The following TRPS1 variants were observed in gnomAD, a reference collection of about 807,000 sequenced individuals.
TRPS1 encodes the protein zinc finger transcription factor Trps1.
In TRPS1, 6 loss-of-function variants were observed where a neutral mutation model predicts 101.2. That is an observed-to-expected ratio of 0.06 (90% CI 0.03 to 0.12). The LOEUF (loss-of-function observed/expected upper bound fraction) is 0.12, where lower values mean the gene tolerates loss of function less well. Among genes scored for constraint, TRPS1 ranks in the 10% least tolerant of loss-of-function variants. The pLI is 1.00. For missense variants in TRPS1, 1,363 were observed against 1,567.0 expected (o/e 0.87, Z 2.20); for synonymous variants, 578 against 589.8 (o/e 0.98, Z 0.29).
intron 5 of TRPS1, among the ~76,000 whole-genome samples, chr8:115,431,056 C>T (rs866631624): frequency 3.0e-4 from 46 of 151,870 alleles, no homozygotes; most frequent in African/African-American, 9.9e-4. Flanking sequence ...ATTTTTATTG[C>T]CAACTTATTT....
chr8:115,617,943 T>G (rs1409492517), intron 3 of TRPS1, among the ~76,000 whole-genome samples: 1 of 152,182 alleles, frequency 6.6e-6, no homozygotes, highest in East Asian at 1.9e-4. Context: ...GTGATAAGAT[T>G]GCCATTCTGA....
intron 5 of TRPS1, among the ~76,000 whole-genome samples, chr8:115,450,882 T>C (rs1421932783): frequency 4.6e-5 from 7 of 152,202 alleles, no homozygotes; most frequent in African/African-American, 7.2e-5. Context: ...ACAAGTTATA[T>C]ATGTTTGAGA....
intron 4 of TRPS1, among the ~76,000 whole-genome samples, chr8:115,598,088 C>T (rs1817827788): frequency 6.6e-6 from 1 of 152,186 alleles, no homozygotes; most frequent in South Asian, 2.1e-4. Context: ...ACACTTCCCA[C>T]ATATTTTCTC....
intron 2 of TRPS1, among the ~76,000 whole-genome samples, chr8:115,622,089 T>C (rs748732459): frequency 6.6e-6 from 1 of 152,148 alleles, no homozygotes; most frequent in Non-Finnish European, 1.5e-5. Context: ...GTTGAGGCAA[T>C]GTAAACCTGA....
intron 5 of TRPS1, among the ~76,000 whole-genome samples, chr8:115,548,853 T>G (rs1203923947): frequency 2.6e-5 from 4 of 152,214 alleles, no homozygotes; most frequent in Admixed American, 2.0e-4. Context: ...CTTAATCACA[T>G]AGGCTTCTGA....
At chr8:115,514,972 A>G (rs1815674908) in intron 5 of TRPS1, among the ~76,000 whole-genome samples, 1 of 151,618 alleles carries the variant, frequency 6.6e-6, no homozygotes, top group Admixed American at 6.6e-5. Context: ...CAGTATGACA[A>G]AGACTATTAC....
intron 5 of TRPS1, among the ~76,000 whole-genome samples, chr8:115,534,354 C>T (rs1396028184): frequency 1.3e-5 from 2 of 148,246 alleles, no homozygotes; most frequent in Non-Finnish European, 3.0e-5. Context: ...GCTCTAACCC[C>T]GATACCATCA....
At chr8:115,497,610 T>C (rs191487122) in intron 5 of TRPS1, among the ~76,000 whole-genome samples, 1 of 152,272 alleles carries the variant, frequency 6.6e-6, no homozygotes, top group Non-Finnish European at 1.5e-5. Flanking sequence ...AGAGACATGA[T>C]TGAAAGTGGA....
chr8:115,614,854 T>C (rs1245619744), intron 3 of TRPS1, among the ~76,000 whole-genome samples: 1 of 152,182 alleles, frequency 6.6e-6, no homozygotes, highest in Non-Finnish European at 1.5e-5. Flanking sequence ...GTAAGATTAA[T>C]GGTCTCTGAT....
intron 5 of TRPS1, among the ~76,000 whole-genome samples, chr8:115,478,152 A>G (rs1814652013): frequency 6.6e-6 from 1 of 152,220 alleles, no homozygotes; most frequent in Non-Finnish European, 1.5e-5. Context: ...GCCTCAAAAG[A>G]TACAGCAATT....
chr8:115,515,913 T>C (rs1026777144), intron 5 of TRPS1, among the ~76,000 whole-genome samples: 3 of 151,450 alleles, frequency 2.0e-5, no homozygotes, highest in African/African-American at 7.3e-5. Flanking sequence ...TATCTTTAGT[T>C]TGGTTTTCTC....
chr8:115,596,070 T>A (rs932785265), intron 4 of TRPS1, among the ~76,000 whole-genome samples: 1 of 151,950 alleles, frequency 6.6e-6, no homozygotes, highest in Non-Finnish European at 1.5e-5. Flanking sequence ...TAAATTAATT[T>A]GACTACCTAC....
intron 5 of TRPS1, among the ~76,000 whole-genome samples, chr8:115,533,419 C>CTTCCCACA: frequency 8.4e-6 from 1 of 119,546 alleles, no homozygotes; most frequent in South Asian, 2.9e-4. Flanking sequence ...AAGGGGCCCG[C>CTTCCCACA]TTCCCACATG....
At chr8:115,428,875 T>G (rs1024858433) in intron 5 of TRPS1, among the ~76,000 whole-genome samples, 1 of 152,196 alleles carries the variant, frequency 6.6e-6, no homozygotes, top group African/African-American at 2.4e-5. Flanking sequence ...ACCTTTCCAA[T>G]GATTAAAACA....
chr8:115,646,947 T>C (rs1819037560), intron 1 of TRPS1, among the ~76,000 whole-genome samples: 2 of 152,134 alleles, frequency 1.3e-5, no homozygotes, highest in South Asian at 4.1e-4. Context: ...CAGAAAGCAA[T>C]ACTAGAAGTT....
intron 5 of TRPS1, among the ~76,000 whole-genome samples, chr8:115,505,820 A>G (rs1440849055): frequency 1.3e-5 from 2 of 152,226 alleles, no homozygotes; most frequent in East Asian, 3.9e-4. Context: ...AACGTAGGAC[A>G]TATAGATTGA....
chr8:115,454,489 T>A (rs1419645552), intron 5 of TRPS1, among the ~76,000 whole-genome samples: 2 of 152,190 alleles, frequency 1.3e-5, no homozygotes, highest in African/African-American at 4.8e-5. Flanking sequence ...ACTACTGCAA[T>A]GATAGAATGC....
chr8:115,616,035 C>T (rs73365579), intron 3 of TRPS1, among the ~76,000 whole-genome samples: 8,776 of 152,152 alleles, frequency 0.058, 496 homozygotes, highest in African/African-American at 0.15. Context: ...CTCTTGTTTT[C>T]TTGGTAAAGA....
At chr8:115,479,367 T>G (rs3808418) in intron 5 of TRPS1, among the ~76,000 whole-genome samples, 103,104 of 152,026 alleles carry the variant, frequency 0.68, 36,433 homozygotes, top group African/African-American at 0.87. Flanking sequence ...AGTTGGAAAG[T>G]TTCCATAGAC....
Sources: gnomAD v4.1 joint callset for allele counts (sites outside exome capture counted in the v4.1 genomes callset) on GRCh38, gnomAD v4.1.1 for gene constraint, MANE v1.5 for transcripts, NCBI Gene and HGNC (gene_info 2026-07-23, HGNC 2026-07-21) for gene names.